The following COBLL1 variants were observed in gnomAD, a reference collection of about 807,000 sequenced individuals.
COBLL1 encodes cordon-bleu protein-like 1.
A neutral mutation model predicts 94.8 loss-of-function variants in COBLL1; 50 were observed. The ratio of observed to expected loss-of-function variants is 0.53; its 90% confidence interval spans 0.42 to 0.67. The LOEUF is 0.67. Ranked by LOEUF, COBLL1 falls within the 30% of genes least tolerant of loss-of-function variation. The probability of loss-of-function intolerance (pLI) is 0.00; values close to 1 mark genes in which losing one functional copy is unlikely to be tolerated. For synonymous variants in COBLL1, 448 were observed against 473.8 expected, an observed-to-expected ratio of 0.95 and a Z score of 0.71; for missense variants, 1,362 against 1,348.7, an observed-to-expected ratio of 1.01 and a Z score of -0.15.
At chr2:164,815,303 G>T (rs2105347167) in intron 2 of COBLL1, among the ~76,000 whole-genome samples, 1 of 151,826 alleles carries the variant, frequency 6.6e-6, no homozygotes, top group East Asian at 1.9e-4. Context: ...GGTGGCTAAG[G>T]CATGAGAATT....
intron 2 of COBLL1, among the ~76,000 whole-genome samples, chr2:164,797,030 C>T (rs571825837): frequency 1.4e-3 from 212 of 152,106 alleles, no homozygotes; most frequent in Non-Finnish European, 2.5e-3. Flanking sequence ...AATTAGCTGA[C>T]GAAAAATATT....
At chr2:164,801,793 AAAGAAATCACAC>A (rs1160337879) in intron 2 of COBLL1, among the ~76,000 whole-genome samples, 1 of 152,156 alleles carries the variant, frequency 6.6e-6, no homozygotes, top group African/African-American at 2.4e-5. Context: ...ATGACAGGAG[AAAGAAATCACAC>A]AAGTAAACAG....
chr2:164,734,804 G>C (rs1686213710), intron 3 of COBLL1, among the ~76,000 whole-genome samples: 1 of 152,196 alleles, frequency 6.6e-6, no homozygotes, highest in African/African-American at 2.4e-5. Flanking sequence ...TCAATGGTTT[G>C]CTATGTGATG....
intron 2 of COBLL1, among the ~76,000 whole-genome samples, chr2:164,825,507 C>T (rs1489980313): frequency 6.6e-6 from 1 of 152,040 alleles, no homozygotes; most frequent in African/African-American, 2.4e-5. Flanking sequence ...TATTGCTGTA[C>T]AGTACATGGA....
At chr2:164,689,254 G>T (rs567473998) in intron 13 of COBLL1, among the ~76,000 whole-genome samples, 2 of 152,038 alleles carry the variant, frequency 1.3e-5, no homozygotes, top group Non-Finnish European at 2.9e-5. Flanking sequence ...TATAATGAAG[G>T]TTAATTGCCT....
chr2:164,701,790 C>T (rs981076046), intron 9 of COBLL1, among the ~76,000 whole-genome samples: 43 of 151,290 alleles, frequency 2.8e-4, no homozygotes, highest in African/African-American at 9.5e-4. Flanking sequence ...TAAATGTAAG[C>T]CAGAGTGAGG....
At chr2:164,838,160 T>C (rs1683411972) in intron 2 of COBLL1, among the ~76,000 whole-genome samples, 1 of 152,194 alleles carries the variant, frequency 6.6e-6, no homozygotes, top group Admixed American at 6.5e-5. Flanking sequence ...CGGCAGCCAC[T>C]ATTTCTGCAC....
In COBLL1 at chr2:164,722,157, C is replaced by T. The variant is rs879202161; in HGVS notation, c.914G>A (p.Ser305Asn). The T allele has an allele frequency of 1.9e-6, 3 of 1,614,082 alleles. No homozygotes were observed. The highest frequency in any genetic ancestry group is 1.7e-5 in the Admixed American group (1 of 60,018). The change falls in exon 7 of 14, where the codon AGT (serine) becomes AAT (asparagine). Residue 305 changes from serine to asparagine, a missense_variant. Physicochemically the swap from Ser to Asn is conservative, Grantham distance 46. Transcript: ENST00000652658. The part of the protein sequence containing the change: ...APLPPMPASQ[S>N]VPQDLAHIQE... ...GATGTGTGCAAGGTCTTGGGGGACA[C>T]TCTGAGATGCTGGCATCGGGGGCAG...
At chr2:164,784,288 C>T (rs1688844075) in intron 2 of COBLL1, among the ~76,000 whole-genome samples, 1 of 152,196 alleles carries the variant, frequency 6.6e-6, no homozygotes, top group Admixed American at 6.5e-5. Context: ...CTGCGCAACA[C>T]ACAGAAGTCA....
chr2:164,709,309 T>C (rs1004723660), intron 7 of COBLL1, among the ~76,000 whole-genome samples: 18 of 152,202 alleles, frequency 1.2e-4, no homozygotes, highest in African/African-American at 3.4e-4. Context: ...GGGGAAGCAT[T>C]TATTTTACAA....
intron 2 of COBLL1, among the ~76,000 whole-genome samples, chr2:164,798,303 A>G (rs1683577430): frequency 6.6e-6 from 1 of 152,204 alleles, no homozygotes; most frequent in Non-Finnish European, 1.5e-5. Flanking sequence ...CCTCATACAC[A>G]CATTAATTTT....
intron 2 of COBLL1, among the ~76,000 whole-genome samples, chr2:164,792,951 A>G (rs1232440244): frequency 6.6e-6 from 1 of 152,088 alleles, no homozygotes; most frequent in African/African-American, 2.4e-5. Flanking sequence ...GACACACCCT[A>G]CAGTTCCTCC....
intron 2 of COBLL1, among the ~76,000 whole-genome samples, chr2:164,665,284 C>T (rs939467849): frequency 1.1e-4 from 17 of 147,834 alleles, no homozygotes; most frequent in Non-Finnish European, 1.2e-4. Context: ...GAGCTGAAAT[C>T]GCACCACTGC....
intron 2 of COBLL1, among the ~76,000 whole-genome samples, chr2:164,753,622 G>A (rs1234649821): frequency 6.6e-6 from 1 of 151,490 alleles, no homozygotes; most frequent in East Asian, 1.9e-4. Context: ...AGCATAATTA[G>A]TGTGACTGAG....
chr2:164,777,412 T>A (rs187060273), intron 2 of COBLL1, among the ~76,000 whole-genome samples: 1 of 152,124 alleles, frequency 6.6e-6, no homozygotes, highest in East Asian at 1.9e-4. Flanking sequence ...CAAGATTCTT[T>A]TTAAAATTTT....
At chr2:164,784,798 C>T (rs1688873223) in intron 2 of COBLL1, among the ~76,000 whole-genome samples, 1 of 151,958 alleles carries the variant, frequency 6.6e-6, no homozygotes, top group Non-Finnish European at 1.5e-5. Flanking sequence ...TTTTTGGATT[C>T]CACTGGTACT....
At chr2:164,776,061 G>A (rs188512585) in intron 2 of COBLL1, among the ~76,000 whole-genome samples, 2 of 151,696 alleles carry the variant, frequency 1.3e-5, no homozygotes, top group Admixed American at 6.6e-5. Flanking sequence ...CTGAATTAAT[G>A]TACTTCGTCT....
chr2:164,685,704 A>T lies in COBLL1; in HGVS notation c.*242T>A, dbSNP rs1246845907. ...TTTGTAAAAAATGAAAATCATTTACACCTTGTTTTAAAGTTCTAAAGCAGC... is the reference window on the plus strand; with the variant it reads ...TTTGTAAAAAATGAAAATCATTTACTCCTTGTTTTAAAGTTCTAAAGCAGC... On this transcript the variant is annotated 3_prime_UTR_variant, in exon 14 of 14. Transcript: ENST00000652658. 1 of 335,008 alleles carries T rather than the reference A, an allele frequency of 3.0e-6. No individual in the cohort carries two copies. The highest frequency in any genetic ancestry group is 4.8e-5 in the East Asian group (1 of 20,704). The allele number at this position is 335,008 out of a possible 1,614,324, so 20.8% of individuals were successfully genotyped here. A position where few individuals can be genotyped will look rare whatever the true frequency, so the allele number is the denominator to read the frequency against.
chr2:164,677,048 T>C (rs113689238), downstream of COBLL1, among the ~76,000 whole-genome samples: 90 of 152,278 alleles, frequency 5.9e-4, no homozygotes, highest in African/African-American at 2.1e-3. Context: ...CTCTCACAGG[T>C]AACCAATCTC....
Sources: allele counts gnomAD v4.1 joint callset (sites outside exome capture counted in the v4.1 genomes callset), GRCh38; gene constraint gnomAD v4.1.1; transcripts MANE v1.5; gene names NCBI Gene and HGNC (gene_info 2026-07-23, HGNC 2026-07-21).